The following IRAG2 variants were observed in gnomAD, a reference collection of about 807,000 sequenced individuals.
IRAG2 encodes inositol 1,4,5-triphosphate receptor associated 2, also known as lymphoid restricted membrane protein.
A neutral mutation model predicts 69.9 loss-of-function variants in IRAG2; 45 were observed. The observed-to-expected ratio is 0.64, with a 90% confidence interval of 0.51 to 0.83. The LOEUF (loss-of-function observed/expected upper bound fraction) is 0.83, where lower values mean the gene tolerates loss of function less well. Among genes scored for constraint, IRAG2 ranks in the 40% least tolerant of loss-of-function variants. IRAG2 has a pLI of 0.00. For synonymous variants in IRAG2, 193 were observed against 202.4 expected (o/e 0.95, Z 0.40); for missense variants, 520 against 587.0 (o/e 0.89, Z 1.18).
intron 6 of IRAG2, among the ~76,000 whole-genome samples, chr12:25,071,380 A>T (rs968841971): frequency 3.9e-5 from 6 of 152,208 alleles, no homozygotes; most frequent in African/African-American, 4.8e-5. Context: ...GAAAATTTTT[A>T]AAAATATATC....
intron 14 of IRAG2, chr12:25,093,542 A>G (rs982172475): frequency 4.6e-5 from 7 of 153,172 alleles, no homozygotes; most frequent in Non-Finnish European, 8.8e-5. Flanking sequence ...TTTTGCACTC[A>G]TTTTTGCAGA....
In IRAG2 at chr12:25,079,693, C is replaced by T. The variant is rs571171767; in HGVS notation, c.174C>T (p.Asp58=). The T allele has an allele frequency of 1.2e-5, 19 of 1,613,872 alleles. No individual in the cohort carries two copies. The South Asian group carries it at 2.1e-4, about 18-fold the overall frequency. The change falls in exon 9 of 22, where the codon GAC becomes GAT. Residue 58 remains aspartate, a synonymous_variant. Coordinates refer to ENST00000556887, the MANE Select transcript of IRAG2 (RefSeq NM_001366544.2). The stretch of plus-strand genomic sequence containing the variant: ...AAATTCTGAATATGGCTTCTTGTGA[C>T]CTTGACAGAAACTCGCTCTGTAAGA... ...GLEILNMASC[D]LDRNSLCKKE... is the part of the protein sequence containing the mutation.
At chr12:25,018,892 C>T (rs1944553873) in intron 6 of IRAG2, among the ~76,000 whole-genome samples, 1 of 152,228 alleles carries the variant, frequency 6.6e-6, no homozygotes, top group Non-Finnish European at 1.5e-5. Context: ...TTTCTGAAGA[C>T]TGTCTGTTTC....
At chr12:25,067,145 T>G (rs770194543) in intron 5 of IRAG2, among the ~76,000 whole-genome samples, 2 of 152,178 alleles carry the variant, frequency 1.3e-5, no homozygotes, top group Non-Finnish European at 2.9e-5. Flanking sequence ...TTCTCTTTCT[T>G]TCACATTCAA....
intron 16 of IRAG2, among the ~76,000 whole-genome samples, chr12:25,044,241 T>C (rs1048853607): frequency 2.6e-5 from 4 of 151,914 alleles, no homozygotes; most frequent in Non-Finnish European, 5.9e-5. Context: ...GTACGCTCCA[T>C]GGTAATGCCA....
chr12:25,007,631 C>G (rs1944442549), intron 2 of IRAG2, among the ~76,000 whole-genome samples: 1 of 152,172 alleles, frequency 6.6e-6, no homozygotes, highest in Admixed American at 6.5e-5. Context: ...AAGTGATTCT[C>G]CTGCCTCAGC....
intron 14 of IRAG2, chr12:25,090,943 C>G (rs753366960): frequency 1.4e-4 from 58 of 428,360 alleles, no homozygotes; most frequent in Non-Finnish European, 2.2e-4. Flanking sequence ...TTCAGTCTTG[C>G]AGATGATGGG....
chr12:25,030,155 T>C (rs1944657643), intron 9 of IRAG2: 1 of 556,928 alleles, frequency 1.8e-6, no homozygotes, highest in African/African-American at 2.0e-5. Flanking sequence ...AAGTACTTTG[T>C]AAAGTGAAAA....
chr12:25,031,399 C>G (rs73078116), intron 10 of IRAG2, among the ~76,000 whole-genome samples: 3,496 of 152,290 alleles, frequency 0.023, 53 homozygotes, highest in East Asian at 0.085. Flanking sequence ...ATCAGGTACT[C>G]ACTACCTGTA....
At chr12:25,014,997 T>G (rs895117508) in intron 3 of IRAG2, among the ~76,000 whole-genome samples, 1 of 148,504 alleles carries the variant, frequency 6.7e-6, no homozygotes, top group Admixed American at 7.0e-5. Context: ...GTACCTAGCA[T>G]AGTATTGAGC....
chr12:25,015,766 G>C (rs949500087), intron 5 of IRAG2, among the ~76,000 whole-genome samples: 5 of 152,194 alleles, frequency 3.3e-5, no homozygotes, highest in African/African-American at 1.2e-4. Flanking sequence ...TTATTTTAAA[G>C]CACTTCTTTA....
intron 4 of IRAG2, among the ~76,000 whole-genome samples, chr12:25,064,029 G>A (rs59701157): frequency 0.018 from 2,680 of 152,248 alleles, 75 homozygotes; most frequent in African/African-American, 0.061. Flanking sequence ...GGCCAGGCAC[G>A]GGGGCTCATG....
chr12:25,102,656 G>GA (rs920234796), intron 17 of IRAG2: 31 of 158,256 alleles, frequency 2.0e-4, no homozygotes, highest in Non-Finnish European at 2.9e-4. Context: ...CTCATTCCAA[G>GA]AAAAAAAAAG....
chr12:25,051,395 C>G (rs570009065), upstream of IRAG2, among the ~76,000 whole-genome samples: 1 of 152,192 alleles, frequency 6.6e-6, no homozygotes, highest in Admixed American at 6.5e-5. Context: ...TGCACAAGGC[C>G]TACGGCTGAC....
chr12:25,097,389 A>G (rs554869893), intron 15 of IRAG2: 1 of 162,052 alleles, frequency 6.2e-6, no homozygotes, highest in East Asian at 1.8e-4. Flanking sequence ...ATAATTATAT[A>G]CTCACATGTC....
intron 16 of IRAG2, among the ~76,000 whole-genome samples, chr12:25,044,067 A>G (rs751061798): frequency 6.6e-6 from 1 of 152,222 alleles, no homozygotes; most frequent in African/African-American, 2.4e-5. Flanking sequence ...TAAAAGTATT[A>G]TAAGTAAAAA....
intron 9 of IRAG2, among the ~76,000 whole-genome samples, chr12:25,083,001 A>G (rs1947329590): frequency 6.6e-6 from 1 of 152,174 alleles, no homozygotes; most frequent in African/African-American, 2.4e-5. Flanking sequence ...TTTTAGAAGG[A>G]TATCATATTT....
chr12:24,999,413 T>C (rs1224177825), upstream of IRAG2, among the ~76,000 whole-genome samples: 1 of 152,188 alleles, frequency 6.6e-6, no homozygotes, highest in Non-Finnish European at 1.5e-5. Context: ...GAGCTTTGAC[T>C]GTATGGAACA....
At chr12:25,019,243 G>T (rs76652869) in intron 6 of IRAG2, among the ~76,000 whole-genome samples, 3,973 of 152,324 alleles carry the variant, frequency 0.026, 176 homozygotes, top group African/African-American at 0.09. Flanking sequence ...TCTATGGACA[G>T]CTAAGAGTTA....
Sources: allele counts gnomAD v4.1 joint callset (sites outside exome capture counted in the v4.1 genomes callset), GRCh38; gene constraint gnomAD v4.1.1; transcripts MANE v1.5; gene names NCBI Gene and HGNC (gene_info 2026-07-23, HGNC 2026-07-21).